The following SLC9A2 variants were observed in gnomAD, a reference collection of about 807,000 sequenced individuals.
SLC9A2 encodes the protein solute carrier family 9 member A2.
A neutral mutation model predicts 71.7 loss-of-function variants in SLC9A2; 42 were observed. The ratio of observed to expected loss-of-function variants is 0.59; its 90% confidence interval spans 0.46 to 0.76. The LOEUF (loss-of-function observed/expected upper bound fraction) is 0.76. SLC9A2 is among the 30% of genes least tolerant of loss of function. SLC9A2 has a pLI of 0.00. For missense variants in SLC9A2, 829 were observed against 1,017.4 expected, an observed-to-expected ratio of 0.81 and a Z score of 2.52; for synonymous variants, 396 against 392.5, an observed-to-expected ratio of 1.01 and a Z score of -0.10.
rs1418094768 is a variant in SLC9A2, at chr2:102,679,977, A to G, written c.1005-3284A>G. Among the ~76,000 whole-genome samples, 4 of 152,342 alleles carry G rather than the reference A, an allele frequency of 2.6e-5. No homozygotes were observed. The East Asian group carries it at 7.7e-4, about 29-fold the overall frequency. On this transcript the variant is annotated intron_variant, in intron 3 of 11. Coordinates refer to ENST00000233969, the MANE Select transcript of SLC9A2 (RefSeq NM_003048.6). The stretch of plus-strand genomic sequence containing the variant: ...TAGATGACATTTTGTTTTAACAAAT[A>G]CAAGTGACTGGAGAAGGCTGGGTAG...
At chr2:102,706,397 G>A (rs1288419353) in intron 11 of SLC9A2, among the ~76,000 whole-genome samples, 1 of 151,594 alleles carries the variant, frequency 6.6e-6, no homozygotes, top group African/African-American at 2.4e-5. Flanking sequence ...GACACAGGAA[G>A]GGGAACATCA....
chr2:102,687,491 T>C (rs1677569128), intron 5 of SLC9A2, among the ~76,000 whole-genome samples: 1 of 152,236 alleles, frequency 6.6e-6, no homozygotes, highest in Non-Finnish European at 1.5e-5. Flanking sequence ...GTAAGAATTA[T>C]GTATTCTTTT....
chr2:102,666,851 T>A (rs1045901826), intron 3 of SLC9A2, among the ~76,000 whole-genome samples: 10 of 152,234 alleles, frequency 6.6e-5, no homozygotes, highest in Admixed American at 6.5e-4. Flanking sequence ...CAGCTCCATA[T>A]GCACTAGGCT....
At chr2:102,649,535 A>G (rs907877227) in intron 1 of SLC9A2, among the ~76,000 whole-genome samples, 2 of 152,324 alleles carry the variant, frequency 1.3e-5, no homozygotes, top group East Asian at 3.9e-4. Flanking sequence ...TGAAGAGGCA[A>G]CCTACAGAAT....
At chr2:102,647,975 T>C (rs4496346) in intron 1 of SLC9A2, among the ~76,000 whole-genome samples, 68,711 of 151,998 alleles carry the variant, frequency 0.45, 15,863 homozygotes, top group East Asian at 0.77. Flanking sequence ...AGAAGGACTC[T>C]TCCATAACTC....
At chr2:102,671,331 GT>G (rs1440562838) in intron 3 of SLC9A2, among the ~76,000 whole-genome samples, 1 of 152,144 alleles carries the variant, frequency 6.6e-6, no homozygotes, top group Non-Finnish European at 1.5e-5. Flanking sequence ...TTAAAATCTG[GT>G]ATGACCACCC....
In SLC9A2 at chr2:102,705,896, T is replaced by C. The variant is rs774679914; in HGVS notation, c.2028T>C (p.Leu676=). The C allele has an allele frequency of 1.2e-6, 2 of 1,607,146 alleles. No individual in the cohort carries two copies. Among genetic ancestry groups the C allele is most frequent in the Admixed American group, 1.7e-5 (1 of 59,050 alleles). The change falls in exon 11 of 12, where the codon CTT becomes CTC. Residue 676 remains leucine, a synonymous_variant. Transcript: ENST00000233969. ...TATCCTTACCTAAAAATACGAAGCT[T>C]CCAGAAAAGCTACAAAAGAGGAGGA... is the stretch of plus-strand genomic sequence containing the variant. ...RYLSLPKNTK[L]PEKLQKRRTI... is the part of the protein sequence containing the mutation.
Position 102,708,460 on chromosome 2 carries a change from A to G in SLC9A2, c.2410A>G (p.Lys804Glu). ...VWRASEPGSR[K>E]ARFGSEKP Reference sequence around the variant, plus strand: ...GAGGGCATCGGAACCTGGAAGCCGGAAAGCCCGATTTGGGAGTGAGAAGCC... The same window carrying G: ...GAGGGCATCGGAACCTGGAAGCCGGGAAGCCCGATTTGGGAGTGAGAAGCC... The change falls in exon 12 of 12, where the codon AAA becomes GAA. Residue 804 changes from lysine (K) to glutamate (E), a missense_variant. By Grantham distance (56) the Lys-to-Glu change is moderately conservative. Around this residue, in one of 3 missense-constraint regions of SLC9A2, gnomAD observed 223 missense variants for 197.5 expected, o/e 1.13. Transcript: ENST00000233969. 6.2e-7 allele frequency: 1 copy of G among 1,614,158 alleles called. No individual in the cohort carries two copies. The highest frequency in any genetic ancestry group is 1.1e-5 in the South Asian group (1 of 91,082).
At chr2:102,642,040 AAT>A (rs869258501) in intron 1 of SLC9A2, among the ~76,000 whole-genome samples, 1 of 98,530 alleles carries the variant, frequency 1.0e-5, no homozygotes, top group Non-Finnish European at 2.1e-5. Context: ...TAGAACTTAA[AAT>A]ATAATAATAA....
chr2:102,642,784 A>T (rs1051430688), intron 1 of SLC9A2, among the ~76,000 whole-genome samples: 1 of 152,004 alleles, frequency 6.6e-6, no homozygotes, highest in Admixed American at 6.6e-5. Flanking sequence ...GGACCTGGAG[A>T]TTTTTTGGGG....
At chr2:102,633,471 C>T (rs1676412887) in intron 1 of SLC9A2, among the ~76,000 whole-genome samples, 1 of 152,164 alleles carries the variant, frequency 6.6e-6, no homozygotes, top group Admixed American at 6.6e-5. Context: ...CTCATTATGA[C>T]AGTCTCAGAT....
chr2:102,679,289 G>C (rs567275141), intron 3 of SLC9A2, among the ~76,000 whole-genome samples: 1 of 152,104 alleles, frequency 6.6e-6, no homozygotes, highest in African/African-American at 2.4e-5. Flanking sequence ...TCTTGGTATC[G>C]TGTTAAGGAT....
At chr2:102,706,898 T>G (rs2104558611) in intron 11 of SLC9A2, among the ~76,000 whole-genome samples, 1 of 152,378 alleles carries the variant, frequency 6.6e-6, no homozygotes, top group East Asian at 1.9e-4. Context: ...GTTATCTTTA[T>G]GTAGACACCG....
At chr2:102,651,447 T>C (rs1676833736) in intron 1 of SLC9A2, among the ~76,000 whole-genome samples, 1 of 152,198 alleles carries the variant, frequency 6.6e-6, no homozygotes. Flanking sequence ...TGCTCCCAAC[T>C]CAGGGCTTGT....
chr2:102,632,979 C>G (rs1272033467), intron 1 of SLC9A2, among the ~76,000 whole-genome samples: 3 of 152,090 alleles, frequency 2.0e-5, no homozygotes, highest in Non-Finnish European at 4.4e-5. Flanking sequence ...GACCCACTGG[C>G]CAGGAAACCT....
At chr2:102,699,094 T>C (rs1677821658) in intron 7 of SLC9A2, among the ~76,000 whole-genome samples, 1 of 151,972 alleles carries the variant, frequency 6.6e-6, no homozygotes, top group Non-Finnish European at 1.5e-5. Flanking sequence ...TGGGGAAAAA[T>C]ACATCTGGGC....
At chr2:102,627,130 T>TAACAACAACAAC (rs112963978) in intron 1 of SLC9A2, among the ~76,000 whole-genome samples, 6 of 124,054 alleles carry the variant, frequency 4.8e-5, no homozygotes, top group African/African-American at 1.3e-4. Flanking sequence ...TTCAAAATGT[T>TAACAACAACAAC]AACAACAACA....
chr2:102,652,487 C>T lies in SLC9A2; in HGVS notation c.290-5077C>T, dbSNP rs144214356. ...TTCCTTCTCCTTGGAATAGGAAAAT[C>T]CACATCCAGCAATCTTAATGCCACC... On this transcript the variant is annotated intron_variant, in intron 1 of 11. Transcript: ENST00000233969. Among the ~76,000 whole-genome samples, 24 of 152,282 alleles carry T rather than the reference C, an allele frequency of 1.6e-4. No individual in the cohort carries two copies. In the East Asian group the frequency reaches 4.4e-3, roughly 28 times the overall value.
chr2:102,632,504 G>A (rs1371257801), intron 1 of SLC9A2, among the ~76,000 whole-genome samples: 4 of 151,934 alleles, frequency 2.6e-5, no homozygotes, highest in Non-Finnish European at 5.9e-5. Flanking sequence ...CATAATTGAT[G>A]CGCTTCCTGC....
Sources: allele counts gnomAD v4.1 joint callset (sites outside exome capture counted in the v4.1 genomes callset), GRCh38; gene constraint gnomAD v4.1.1; regional missense constraint gnomAD v4.1.1; transcripts MANE v1.5; gene names NCBI Gene and HGNC (gene_info 2026-07-23, HGNC 2026-07-21).